The following GRK4 variants were observed in gnomAD, a reference collection of about 807,000 sequenced individuals.
GRK4 encodes the protein G protein-coupled receptor kinase 4.
Under a neutral mutation model 77.9 loss-of-function variants are expected in GRK4, and 73 were observed. That is an observed-to-expected ratio of 0.94 (90% CI 0.78 to 1.14). The LOEUF is 1.14. Among genes scored for constraint, GRK4 ranks in the 50% most tolerant of loss-of-function variants. The pLI is 0.00. For synonymous variants in GRK4, 257 were observed against 254.4 expected (o/e 1.01, Z -0.10); for missense variants, 729 against 700.2 (o/e 1.04, Z -0.46).
At chr4:2,991,329 T>C (rs952244501) in intron 3 of GRK4, among the ~76,000 whole-genome samples, 2 of 152,226 alleles carry the variant, frequency 1.3e-5, no homozygotes, top group Non-Finnish European at 2.9e-5. Flanking sequence ...TGAAGTCAAC[T>C]GATTATAAAC....
At chr4:3,035,569 G>A (rs750754930) in intron 13 of GRK4, 46 bp downstream of exon 13, 13 of 1,549,334 alleles carry the variant, frequency 8.4e-6, no homozygotes, top group African/African-American at 6.9e-5. Context: ...ACAGTGATCC[G>A]CACAGCACGG....
In GRK4 at chr4:2,986,405, G is replaced by T. The variant is rs182279963; in HGVS notation, c.148+1797G>T. Among the ~76,000 whole-genome samples, 38 of 137,906 alleles carry T rather than the reference G, an allele frequency of 2.8e-4. 1 individual carries two copies. The East Asian group carries it at 8.1e-3, about 29-fold the overall frequency. 90.5% of individuals were successfully genotyped at this position (137,906 alleles called of 152,430 possible). A position where few individuals can be genotyped will look rare whatever the true frequency, so the allele number is the denominator to read the frequency against. On this transcript the variant is annotated intron_variant, in intron 2 of 15. Coordinates refer to ENST00000398052, the MANE Select transcript of GRK4 (RefSeq NM_182982.3). ...CAGAGTCTCGCTGTGTCGCCAGGCT[G>T]GAGTGCAATGGCATGATCTCGGCTC...
intron 1 of GRK4, among the ~76,000 whole-genome samples, chr4:2,982,050 G>C (rs921540054): frequency 3.1e-4 from 47 of 152,268 alleles, no homozygotes; most frequent in African/African-American, 8.0e-4. Context: ...CAGGAGCAGT[G>C]AGAGGCCAGT....
chr4:3,038,768 T>TC, intron 15 of GRK4: 1 of 421,412 alleles, frequency 2.4e-6, no homozygotes, highest in Non-Finnish European at 4.2e-6. Context: ...ACAAACAGGT[T>TC]CCCGTGTCGC....
At chr4:2,996,236 TC>T (rs1727857125) in intron 4 of GRK4, among the ~76,000 whole-genome samples, 1 of 152,266 alleles carries the variant, frequency 6.6e-6, no homozygotes. Context: ...AGGGCACTAG[TC>T]CCTTCATGAA....
chr4:2,978,238 C>G (rs1009405704), intron 1 of GRK4, among the ~76,000 whole-genome samples: 2 of 152,222 alleles, frequency 1.3e-5, no homozygotes, highest in South Asian at 4.1e-4. Context: ...TTGGTTATCT[C>G]ATAGACTGTG....
At chr4:3,012,703 T>A (rs2109906591) in intron 7 of GRK4, among the ~76,000 whole-genome samples, 1 of 152,302 alleles carries the variant, frequency 6.6e-6, no homozygotes, top group Non-Finnish European at 1.5e-5. Context: ...TTTTTCCACT[T>A]TTGTATGTTG....
intron 3 of GRK4, among the ~76,000 whole-genome samples, chr4:2,991,550 G>A (rs546444477): frequency 2.0e-5 from 3 of 152,256 alleles, no homozygotes; most frequent in South Asian, 4.1e-4. Context: ...TTGCTCTGTT[G>A]CCCAGGCTGG....
chr4:2,998,553 C>T (rs551009257), intron 4 of GRK4, among the ~76,000 whole-genome samples: 68 of 151,830 alleles, frequency 4.5e-4, no homozygotes, highest in African/African-American at 1.4e-3. Context: ...TAATTGTATT[C>T]CTATATATTA....
At chr4:3,000,378 C>G (rs569104847) in intron 4 of GRK4, among the ~76,000 whole-genome samples, 6 of 152,152 alleles carry the variant, frequency 3.9e-5, no homozygotes, top group African/African-American at 1.4e-4. Flanking sequence ...TAGAATCAAC[C>G]TGCTATTTAG....
At chr4:3,000,825 C>T (rs778483028) in intron 4 of GRK4, among the ~76,000 whole-genome samples, 1 of 152,028 alleles carries the variant, frequency 6.6e-6, no homozygotes, top group Non-Finnish European at 1.5e-5. Flanking sequence ...ACCTCAGCCT[C>T]CCAAAGTGCT....
At chr4:3,032,665 G>C (rs1296037767) in intron 12 of GRK4, among the ~76,000 whole-genome samples, 1 of 152,142 alleles carries the variant, frequency 6.6e-6, no homozygotes, top group Non-Finnish European at 1.5e-5. Context: ...CCCATTACAG[G>C]ATCATCTCTC....
intron 12 of GRK4, among the ~76,000 whole-genome samples, chr4:3,033,551 A>C (rs1295729548): frequency 2.0e-5 from 3 of 152,132 alleles, no homozygotes; most frequent in Admixed American, 6.5e-5. Context: ...TTTGCATTAC[A>C]CTTAATTTTC....
At chr4:3,026,831 A>C (rs1231396982) in intron 10 of GRK4, among the ~76,000 whole-genome samples, 1 of 152,226 alleles carries the variant, frequency 6.6e-6, no homozygotes, top group African/African-American at 2.4e-5. Context: ...TAAAATGACT[A>C]CAGTGCCTTG....
chr4:3,021,774 G>T (rs745844028), intron 9 of GRK4, among the ~76,000 whole-genome samples: 2 of 152,194 alleles, frequency 1.3e-5, no homozygotes, highest in Non-Finnish European at 2.9e-5. Context: ...CGGCTGAGCC[G>T]CTGTGTTTGG....
chr4:2,967,439 C>G (rs1278087451), intron 1 of GRK4, among the ~76,000 whole-genome samples: 2 of 152,196 alleles, frequency 1.3e-5, no homozygotes, highest in African/African-American at 2.4e-5. Flanking sequence ...CTCACTCTGT[C>G]ACCCAGGCTG....
chr4:3,022,753 C>T (rs1463448652), intron 10 of GRK4, among the ~76,000 whole-genome samples: 2 of 152,084 alleles, frequency 1.3e-5, no homozygotes, highest in Admixed American at 6.6e-5. Flanking sequence ...GTGGTGTAAT[C>T]ATAGCTCACT....
At chr4:2,999,010 G>A (rs545209567) in intron 4 of GRK4, among the ~76,000 whole-genome samples, 5 of 152,292 alleles carry the variant, frequency 3.3e-5, no homozygotes, top group East Asian at 1.9e-4. Flanking sequence ...TGGCATGATG[G>A]TAGACATACA....
intron 10 of GRK4, among the ~76,000 whole-genome samples, chr4:3,026,811 C>A (rs755486180): frequency 5.9e-5 from 9 of 152,228 alleles, no homozygotes; most frequent in Non-Finnish European, 1.2e-4. Context: ...AAGCATCATG[C>A]AGACTGTTTT....
Sources: gnomAD v4.1 joint callset for allele counts (sites outside exome capture counted in the v4.1 genomes callset) on GRCh38, gnomAD v4.1.1 for gene constraint, MANE v1.5 for transcripts, NCBI Gene and HGNC (gene_info 2026-07-23, HGNC 2026-07-21) for gene names.